Variants in CTNNA2 observed in about 807,000 individuals in gnomAD.
The protein encoded by CTNNA2 is catenin alpha-2.
CTNNA2 carries 42 observed loss-of-function variants against 101.0 expected under a neutral mutation model. The ratio of observed to expected loss-of-function variants is 0.42; its 90% CI spans 0.32 to 0.54. The LOEUF is 0.54. CTNNA2 is among the 20% of genes least tolerant of loss of function. CTNNA2 has a pLI of 0.14. For synonymous variants in CTNNA2, 450 were observed against 456.4 expected (o/e 0.99, Z 0.18); for missense variants, 871 against 1,223.1 (o/e 0.71, Z 4.29).
intron 2 of CTNNA2, among the ~76,000 whole-genome samples, chr2:79,206,217 G>C (rs996428448): frequency 6.6e-6 from 1 of 151,310 alleles, no homozygotes; most frequent in African/African-American, 2.4e-5. Context: ...AGGATACAAA[G>C]AGTGCCCAGT....
intron 9 of CTNNA2, among the ~76,000 whole-genome samples, chr2:80,486,325 A>G (rs893037932): frequency 8.5e-5 from 13 of 152,212 alleles, no homozygotes; most frequent in African/African-American, 2.7e-4. Context: ...AGGCTCTGCA[A>G]TTAGGGCTTG....
intron 7 of CTNNA2, among the ~76,000 whole-genome samples, chr2:79,943,631 T>C: frequency 6.6e-6 from 1 of 152,186 alleles, no homozygotes; most frequent in East Asian, 1.9e-4. Context: ...ACCATGTAAC[T>C]TCCTCTCTGC....
intron 8 of CTNNA2, among the ~76,000 whole-genome samples, chr2:80,399,576 G>A (rs902909399): frequency 6.6e-6 from 1 of 152,174 alleles, no homozygotes; most frequent in Non-Finnish European, 1.5e-5. Context: ...TCTCAATGAA[G>A]TGGAAGCTTC....
chr2:80,379,665 A>G (rs751345742), intron 7 of CTNNA2, among the ~76,000 whole-genome samples: 17 of 152,206 alleles, frequency 1.1e-4, no homozygotes, highest in Non-Finnish European at 1.6e-4. Context: ...CTAGGCCACA[A>G]TTGGAGAGAT....
At chr2:79,584,528 T>C (rs920088657) in intron 1 of CTNNA2, among the ~76,000 whole-genome samples, 2 of 151,640 alleles carry the variant, frequency 1.3e-5, no homozygotes, top group East Asian at 3.9e-4. Flanking sequence ...TTCTTTTTTT[T>C]TTTTTTTCTT....
intron 1 of CTNNA2, among the ~76,000 whole-genome samples, chr2:79,517,782 C>T (rs1233104471): frequency 6.6e-6 from 1 of 152,196 alleles, no homozygotes; most frequent in East Asian, 1.9e-4. Context: ...GATAGTCTAA[C>T]TTCAGACACC....
intron 4 of CTNNA2, among the ~76,000 whole-genome samples, chr2:79,381,728 A>C (rs527620306): frequency 2.0e-5 from 3 of 152,294 alleles, no homozygotes; most frequent in Admixed American, 2.0e-4. Flanking sequence ...CTGTCTATCC[A>C]GTGATCATTC....
intron 7 of CTNNA2, among the ~76,000 whole-genome samples, chr2:80,152,398 C>G (rs1368803611): frequency 1.3e-5 from 2 of 151,426 alleles, no homozygotes; most frequent in Non-Finnish European, 2.9e-5. Flanking sequence ...TTCTCTGTAT[C>G]TGGAGTCACT....
At chr2:79,242,280 C>A (rs1473321731) in intron 2 of CTNNA2, among the ~76,000 whole-genome samples, 1 of 152,118 alleles carries the variant, frequency 6.6e-6, no homozygotes, top group South Asian at 2.1e-4. Context: ...CTGATTGGTA[C>A]TAGCATATCT....
At chr2:79,437,112 T>C (rs1184589222) in intron 4 of CTNNA2, among the ~76,000 whole-genome samples, 5 of 151,850 alleles carry the variant, frequency 3.3e-5, no homozygotes, top group Non-Finnish European at 7.4e-5. Context: ...TGTGTGCCTG[T>C]AATCCCAGTT....
chr2:80,216,206 T>C (rs1447783230), intron 7 of CTNNA2, among the ~76,000 whole-genome samples: 1 of 152,178 alleles, frequency 6.6e-6, no homozygotes, highest in Admixed American at 6.5e-5. Flanking sequence ...CCCCTTGTGC[T>C]TCCAAGGTGA....
At chr2:80,223,386 T>C (rs1708688593) in intron 7 of CTNNA2, among the ~76,000 whole-genome samples, 1 of 152,194 alleles carries the variant, frequency 6.6e-6, no homozygotes, top group South Asian at 2.1e-4. Context: ...GTGATTCTCC[T>C]GCCTCAGCCT....
At chr2:80,126,866 A>T (rs1364380216) in intron 7 of CTNNA2, among the ~76,000 whole-genome samples, 1 of 152,134 alleles carries the variant, frequency 6.6e-6, no homozygotes, top group African/African-American at 2.4e-5. Flanking sequence ...ACTTGGAGAA[A>T]GAGAATGGAC....
chr2:79,573,392 G>A (rs75622264), intron 1 of CTNNA2, among the ~76,000 whole-genome samples: 2,938 of 152,262 alleles, frequency 0.019, 90 homozygotes, highest in African/African-American at 0.067. Flanking sequence ...TATTGTCACT[G>A]CAGGAGAATT....
intron 2 of CTNNA2, chr2:79,687,857 A>G (rs1158468042): frequency 1.3e-5 from 5 of 382,630 alleles, no homozygotes; most frequent in South Asian, 3.6e-5. Context: ...TATTTGAAGG[A>G]TGAATGTCCC....
intron 3 of CTNNA2, among the ~76,000 whole-genome samples, chr2:79,364,264 T>C (rs1677694688): frequency 6.6e-6 from 1 of 152,156 alleles, no homozygotes; most frequent in South Asian, 2.1e-4. Context: ...TTCATAACTG[T>C]GTGTCCACTT....
rs1378507037 is a variant in CTNNA2 at position 79,996,888 on chromosome 2, A to G, written c.1056+87091A>G. On this transcript the variant is annotated intron_variant, in intron 7 of 18. Transcript: ENST00000402739. ...GGAAGACACTGGCCATATAGGCTGC[A>G]TGAACTCAGTTGGGGGAGAGTCGTG... 2.6e-5 allele frequency among the ~76,000 whole-genome samples: 4 copies of G among 152,260 alleles called. No individual in the cohort carries two copies. The East Asian group carries it at 7.7e-4, about 29-fold the overall frequency.
intron 18 of CTNNA2, among the ~76,000 whole-genome samples, chr2:80,645,214 G>A (rs1673940043): frequency 6.6e-6 from 1 of 152,038 alleles, no homozygotes. Context: ...ACTCATTTTT[G>A]AAACCTGACA....
intron 7 of CTNNA2, among the ~76,000 whole-genome samples, chr2:80,233,136 T>C (rs6738200): frequency 0.12 from 18,866 of 152,080 alleles, 2,727 homozygotes; most frequent in African/African-American, 0.36. Context: ...GGAACCTGGG[T>C]AATGGTAACT....
Sources: gnomAD v4.1 joint callset for allele counts (sites outside exome capture counted in the v4.1 genomes callset) on GRCh38, gnomAD v4.1.1 for gene constraint, MANE v1.5 for transcripts, NCBI Gene and HGNC (gene_info 2026-07-23, HGNC 2026-07-21) for gene names.